NEDD4: variants seen among roughly 807,000 people sequenced by gnomAD.
NEDD4 encodes the protein E3 ubiquitin-protein ligase NEDD4.
A neutral mutation model predicts 144.9 loss-of-function variants in NEDD4; 99 were observed. The observed-to-expected ratio is 0.68, with a 90% CI of 0.58 to 0.81. The LOEUF (loss-of-function observed/expected upper bound fraction) is 0.81. Among genes scored for constraint, NEDD4 ranks in the 30% least tolerant of loss-of-function variants. The pLI is 0.00. For missense variants in NEDD4, 985 were observed against 1,065.9 expected (o/e 0.92, Z 1.06); for synonymous variants, 318 against 350.6 (o/e 0.91, Z 1.04).
intron 5 of NEDD4, among the ~76,000 whole-genome samples, chr15:55,883,882 C>CTTT (rs71110349): frequency 5.0e-5 from 7 of 140,946 alleles, no homozygotes; most frequent in Non-Finnish European, 7.7e-5. Context: ...AGTGGCACTT[C>CTTT]TTTTTTTTTT....
chr15:55,951,268 C>A, intron 4 of NEDD4, 108 bp downstream of exon 4: 2 of 544,476 alleles, frequency 3.7e-6, no homozygotes, highest in Non-Finnish European at 6.3e-6. Context: ...CAACTTTAGG[C>A]AAATTCTGAG....
intron 4 of NEDD4, among the ~76,000 whole-genome samples, chr15:55,940,518 T>TTC (rs60338644): frequency 0.054 from 5,708 of 106,228 alleles, 270 homozygotes; most frequent in South Asian, 0.11. Context: ...CTCCTCCCCC[T>TTC]TCTCTCTCTC....
At chr15:55,971,893 C>G (rs796356422) in intron 1 of NEDD4, among the ~76,000 whole-genome samples, 18 of 152,120 alleles carry the variant, frequency 1.2e-4, no homozygotes, top group African/African-American at 4.3e-4. Context: ...CAAAACAAAA[C>G]AAAAAACAAA....
At chr15:55,890,013 T>A (rs1213951072) in intron 5 of NEDD4, among the ~76,000 whole-genome samples, 1 of 152,106 alleles carries the variant, frequency 6.6e-6, no homozygotes, top group Non-Finnish European at 1.5e-5. Flanking sequence ...TAATTGTACA[T>A]TTAAAAATAA....
intron 4 of NEDD4, among the ~76,000 whole-genome samples, chr15:55,941,250 C>T (rs771626635): frequency 1.3e-5 from 2 of 151,872 alleles, no homozygotes; most frequent in Non-Finnish European, 2.9e-5. Context: ...CTCTTATTTC[C>T]TTCCTTCTTT....
intron 18 of NEDD4, among the ~76,000 whole-genome samples, chr15:55,846,511 T>G (rs914344705): frequency 2.6e-5 from 4 of 152,192 alleles, no homozygotes; most frequent in Non-Finnish European, 5.9e-5. Context: ...CCACTCATGA[T>G]TGTATTTTTA....
intron 2 of NEDD4, among the ~76,000 whole-genome samples, chr15:55,962,888 C>T (rs1416405771): frequency 1.3e-5 from 2 of 149,714 alleles, no homozygotes; most frequent in Non-Finnish European, 3.0e-5. Context: ...CTGGGTTCAA[C>T]TGATTCTCCT....
At chr15:55,915,882 C>G in intron 5 of NEDD4, 1 of 1,613,890 alleles carries the variant, frequency 6.2e-7, no homozygotes, top group Non-Finnish European at 8.5e-7. Context: ...TGAAAGAAAT[C>G]CTTTAGCACT....
At chr15:55,847,480 G>A (rs1464205830) in intron 17 of NEDD4, among the ~76,000 whole-genome samples, 1 of 151,866 alleles carries the variant, frequency 6.6e-6, no homozygotes, top group Non-Finnish European at 1.5e-5. Flanking sequence ...ATAAAAAACG[G>A]TATCTTCAGT....
chr15:55,992,795 A>G (rs12324420), intron 1 of NEDD4, among the ~76,000 whole-genome samples: 10,838 of 152,314 alleles, frequency 0.071, 457 homozygotes, highest in Middle Eastern at 0.14. Context: ...TTCAAATCCC[A>G]GAGCTTAATC....
chr15:55,967,637 CAT>C (rs1376994841), intron 1 of NEDD4, among the ~76,000 whole-genome samples: 4 of 151,704 alleles, frequency 2.6e-5, no homozygotes, highest in South Asian at 2.1e-4. Flanking sequence ...TATTATAAAA[CAT>C]GTATATTTTT....
At chr15:55,956,293 G>C (rs1393611830) in intron 2 of NEDD4, among the ~76,000 whole-genome samples, 3 of 152,122 alleles carry the variant, frequency 2.0e-5, no homozygotes, top group African/African-American at 7.2e-5. Context: ...GTTTCTTAAA[G>C]AAGAAAAGTT....
chr15:55,965,252 G>A (rs1176976272), intron 2 of NEDD4, among the ~76,000 whole-genome samples: 1 of 152,132 alleles, frequency 6.6e-6, no homozygotes, highest in African/African-American at 2.4e-5. Context: ...AGGCTGGAGT[G>A]CATTGGCACA....
intron 5 of NEDD4, among the ~76,000 whole-genome samples, chr15:55,920,686 CT>C (rs1169472447): frequency 1.3e-5 from 2 of 152,142 alleles, no homozygotes; most frequent in Non-Finnish European, 2.9e-5. Flanking sequence ...AGAGAATTTG[CT>C]AGGAAAATGG....
chr15:55,986,340 A>T (rs1433780881), intron 1 of NEDD4, among the ~76,000 whole-genome samples: 3 of 152,182 alleles, frequency 2.0e-5, no homozygotes, highest in South Asian at 2.1e-4. Context: ...AAGAGAAAAA[A>T]GGTGACATTA....
intron 14 of NEDD4, 142 bp downstream of exon 14, chr15:55,850,400 A>T: frequency 1.3e-6 from 1 of 768,644 alleles, no homozygotes; most frequent in African/African-American, 1.8e-5. Context: ...AATACAAATA[A>T]TATTATTAAG....
chr15:55,903,265 T>C (rs1236322487), intron 5 of NEDD4, among the ~76,000 whole-genome samples: 1 of 152,190 alleles, frequency 6.6e-6, no homozygotes, highest in Non-Finnish European at 1.5e-5. Context: ...AGCTTTATCC[T>C]GTAGGATTCT....
At chr15:55,888,037 T>C (rs2035447899) in intron 5 of NEDD4, among the ~76,000 whole-genome samples, 2 of 152,154 alleles carry the variant, frequency 1.3e-5, no homozygotes, top group Non-Finnish European at 2.9e-5. Flanking sequence ...TCATACTGAA[T>C]AGGGAAAAAC....
rs1467024820 is a variant in NEDD4 at position 55,883,575 on chromosome 15, C to T, written c.292-9567G>A. 2.0e-5 allele frequency among the ~76,000 whole-genome samples: 3 copies of T among 151,912 alleles called. No individual in the cohort carries two copies. The South Asian group carries it at 6.2e-4, about 32-fold the overall frequency. On this transcript the variant is annotated intron_variant, in intron 5 of 28. Coordinates refer to ENST00000435532, the MANE Select transcript of NEDD4 (RefSeq NM_006154.4). The stretch of plus-strand genomic sequence containing the variant: ...GCGAGTGGTTACAGCAGGCCTTGGG[C>T]GAGACTCAGTGCTGTGCTGGCTTTA...
Sources: allele counts gnomAD v4.1 joint callset (sites outside exome capture counted in the v4.1 genomes callset), GRCh38; gene constraint gnomAD v4.1.1; transcripts MANE v1.5; gene names NCBI Gene and HGNC (gene_info 2026-07-23, HGNC 2026-07-21).